Variants in PCNX2 observed in about 807,000 individuals in gnomAD.
PCNX2 encodes the protein pecanex-like protein 2.
A neutral mutation model predicts 223.8 loss-of-function variants in PCNX2; 168 were observed. The observed-to-expected ratio is 0.75, with a 90% CI of 0.66 to 0.85. The LOEUF (loss-of-function observed/expected upper bound fraction) is 0.85. Among genes scored for constraint, PCNX2 ranks in the 40% least tolerant of loss-of-function variants. PCNX2 has a pLI of 0.00. For missense variants in PCNX2, 2,507 were observed against 2,675.5 expected, an observed-to-expected ratio of 0.94 and a Z score of 1.39; for synonymous variants, 1,006 against 1,052.6, an observed-to-expected ratio of 0.96 and a Z score of 0.86.
At chr1:233,225,417 A>G (rs1247961949) in intron 10 of PCNX2, among the ~76,000 whole-genome samples, 1 of 152,184 alleles carries the variant, frequency 6.6e-6, no homozygotes, top group Non-Finnish European at 1.5e-5. Flanking sequence ...TCCTAAGATC[A>G]TAGCACTAAT....
chr1:233,170,213 TTA>T (rs1679069578), intron 17 of PCNX2, among the ~76,000 whole-genome samples: 2 of 152,224 alleles, frequency 1.3e-5, no homozygotes, highest in Admixed American at 6.5e-5. Context: ...GTCTTAAACT[TTA>T]TGTTATTAAA....
chr1:233,264,306 G>T (rs58118037), intron 1 of PCNX2, among the ~76,000 whole-genome samples: 4 of 152,128 alleles, frequency 2.6e-5, no homozygotes, highest in Non-Finnish European at 4.4e-5. Context: ...TCAATGATTC[G>T]CAAGACCATT....
At chr1:233,103,657 C>T (rs1386402905) in intron 21 of PCNX2, among the ~76,000 whole-genome samples, 3 of 151,934 alleles carry the variant, frequency 2.0e-5, no homozygotes, top group Non-Finnish European at 4.4e-5. Context: ...GTATAAGTAC[C>T]ACATTTTAAA....
At chr1:233,059,032 C>G in intron 23 of PCNX2, among the ~76,000 whole-genome samples, 1 of 152,164 alleles carries the variant, frequency 6.6e-6, no homozygotes, top group East Asian at 1.9e-4. Context: ...TCCTTTTCCA[C>G]CCCTTCAGCA....
At chr1:233,096,647 T>C (rs1263211547) in intron 21 of PCNX2, among the ~76,000 whole-genome samples, 1 of 152,214 alleles carries the variant, frequency 6.6e-6, no homozygotes. Context: ...TCTTCTTCCA[T>C]AATGAAAACT....
chr1:233,323,508 C>T, the PCNX2 span, among the ~76,000 whole-genome samples: 1 of 152,348 alleles, frequency 6.6e-6, no homozygotes, highest in East Asian at 1.9e-4. Flanking sequence ...TCTTTTCCAA[C>T]AGCATTTGCT....
At chr1:233,022,624 C>G (rs938186159) in intron 26 of PCNX2, among the ~76,000 whole-genome samples, 4 of 151,350 alleles carry the variant, frequency 2.6e-5, no homozygotes, top group African/African-American at 9.7e-5. Flanking sequence ...GTGGGAAACA[C>G]AGCCAGTGGC....
At position 233,262,190 on chromosome 1, in the gene PCNX2, A is replaced by C; in HGVS notation, c.360-25T>G. 3 of 1,612,774 alleles carry C rather than the reference A, an allele frequency of 1.9e-6. No homozygotes were observed. The Middle Eastern group carries it at 5.0e-4, about 266-fold the overall frequency. On this transcript the variant is annotated intron_variant, in intron 2 of 33. Coordinates refer to ENST00000258229, the MANE Select transcript of PCNX2 (RefSeq NM_014801.4). ...GCTAACCCAACATGAGAAACACAAG[A>C]GCAGTGAGCGATATTATCAAACAGA...
At chr1:233,114,623 C>T (rs1295571609) in intron 21 of PCNX2, among the ~76,000 whole-genome samples, 1 of 151,928 alleles carries the variant, frequency 6.6e-6, no homozygotes, top group African/African-American at 2.4e-5. Context: ...GCTGGATAAA[C>T]AGAAAACTGA....
At chr1:233,141,717 C>CTGTGTGTG (rs201516662) in intron 19 of PCNX2, among the ~76,000 whole-genome samples, 1 of 150,866 alleles carries the variant, frequency 6.6e-6, no homozygotes, top group Non-Finnish European at 1.5e-5. Context: ...ATATATATAT[C>CTGTGTGTG]TGTGTGTGTA....
intron 32 of PCNX2, among the ~76,000 whole-genome samples, chr1:232,988,116 C>A (rs1414148604): frequency 6.6e-6 from 1 of 152,200 alleles, no homozygotes; most frequent in Admixed American, 6.5e-5. Context: ...CCTGATGAAT[C>A]AGAATGAAAA....
rs771468287 is a variant in PCNX2 at position 233,258,024 on chromosome 1, G to A, written c.1834+4C>T. 40 of 1,607,628 alleles carry A rather than the reference G, an allele frequency of 2.5e-5. No individual in the cohort carries two copies. The highest frequency in any genetic ancestry group is 3.3e-5 in the Non-Finnish European group (39 of 1,175,098). Reference sequence around the variant, plus strand: ...ATCAGAACGGAAATGACATGGAATCGCACCTCGGAGAAGCCCACTTTCTTC... The same window carrying A: ...ATCAGAACGGAAATGACATGGAATCACACCTCGGAGAAGCCCACTTTCTTC... On this transcript the variant is annotated splice_donor_region_variant and intron_variant, in intron 5 of 33. Transcript: ENST00000258229.
intron 23 of PCNX2, chr1:233,089,836 A>T: frequency 7.9e-7 from 1 of 1,269,548 alleles, no homozygotes; most frequent in Non-Finnish European, 9.9e-7. Flanking sequence ...TGAAACCTGG[A>T]CTAGTATTCG....
In PCNX2 at chr1:233,092,791, G is replaced by GTTTGT. The variant is rs1411989763; in HGVS notation, c.3947-2606_3947-2602dup. Among the ~76,000 whole-genome samples, 26 of 152,108 alleles carry GTTTGT rather than the reference G, an allele frequency of 1.7e-4. No homozygotes were observed. In the South Asian group the frequency reaches 5.2e-3, roughly 30 times the overall value. On this transcript the variant is annotated intron_variant, in intron 22 of 33. Coordinates refer to ENST00000258229, the MANE Select transcript of PCNX2 (RefSeq NM_014801.4). ...AATGAAAACATCAATTATTTGTTTT[G>GTTTGT]TTTGTTTTTTGTTTTTGTTTTTTTT...
At chr1:233,173,789 C>T (rs1294486296) in intron 17 of PCNX2, among the ~76,000 whole-genome samples, 1 of 152,000 alleles carries the variant, frequency 6.6e-6, no homozygotes, top group East Asian at 1.9e-4. Context: ...AAATCATTTC[C>T]ATTATCAATT....
chr1:233,235,841 A>T (rs897282175), intron 9 of PCNX2, among the ~76,000 whole-genome samples: 1 of 151,380 alleles, frequency 6.6e-6, no homozygotes, highest in Non-Finnish European at 1.5e-5. Context: ...ACCTCAGGTG[A>T]TCCATCCACC....
chr1:233,116,642 C>G (rs1416660377), intron 21 of PCNX2, among the ~76,000 whole-genome samples: 1 of 152,102 alleles, frequency 6.6e-6, no homozygotes, highest in Non-Finnish European at 1.5e-5. Context: ...TTGTGGAGCA[C>G]AGCTAAAGCA....
chr1:233,207,082 G>C (rs1312238055), intron 13 of PCNX2, among the ~76,000 whole-genome samples: 2 of 152,118 alleles, frequency 1.3e-5, no homozygotes, highest in Non-Finnish European at 2.9e-5. Flanking sequence ...AGGAAAAGAT[G>C]TGTTGAGGAT....
At chr1:233,134,514 C>T (rs1214313438) in intron 21 of PCNX2, among the ~76,000 whole-genome samples, 3 of 151,882 alleles carry the variant, frequency 2.0e-5, no homozygotes, top group Non-Finnish European at 2.9e-5. Context: ...GTACCAGTTC[C>T]TTAAATTTAT....
Sources: allele counts gnomAD v4.1 joint callset (sites outside exome capture counted in the v4.1 genomes callset), GRCh38; gene constraint gnomAD v4.1.1; transcripts MANE v1.5; gene names NCBI Gene and HGNC (gene_info 2026-07-23, HGNC 2026-07-21).